BRWD1: variants seen among roughly 807,000 people sequenced by gnomAD.
The protein encoded by BRWD1 is bromodomain and WD repeat domain containing 1.
In BRWD1, 82 loss-of-function variants were observed where a neutral mutation model predicts 251.2. That is an observed-to-expected ratio of 0.33 (90% CI 0.27 to 0.39). BRWD1 has a LOEUF of 0.39. BRWD1 is among the 10% of genes least tolerant of loss of function. The pLI is 1.00. For missense variants in BRWD1, 2,233 were observed against 2,711.6 expected (o/e 0.82, Z 3.92); for synonymous variants, 918 against 902.8 (o/e 1.02, Z -0.30).
Position 39,189,690 on chromosome 21 carries a change from A to G in BRWD1, c.*6569T>C, listed in dbSNP as rs1215993399. 1.0e-6 allele frequency: 1 copy of G among 982,372 alleles called. No individual in the cohort carries two copies. The highest frequency in any genetic ancestry group is 1.1e-4 in the East Asian group (1 of 8,812). 60.9% of individuals were successfully genotyped at this position (982,372 alleles called of 1,614,324 possible). On this transcript the variant is annotated 3_prime_UTR_variant, in exon 41 of 41. Transcript: ENST00000342449. The stretch of plus-strand genomic sequence containing the variant: ...GACAAAACTGTGGAGAATTTTTTTA[A>G]ATACATTCAAGTCAGTGTTAATTTT...
chr21:39,311,767 ATTAT>A (rs981914058), intron 4 of BRWD1, among the ~76,000 whole-genome samples: 3 of 152,258 alleles, frequency 2.0e-5, no homozygotes, highest in African/African-American at 7.2e-5. Flanking sequence ...AAATATTAAA[ATTAT>A]TTATTACTTG....
Position 39,202,408 on chromosome 21 carries a change from G to T in BRWD1, c.4502C>A (p.Thr1501Asn), listed in dbSNP as rs753960626. ...TGCTGAATCTGAAGAGTCACCAGAA[G>T]TAACACCTGAAGAGATACCAGCACT... is the stretch of plus-strand genomic sequence containing the variant. ...KTSAGISSGVTSGDSSDSAES... is the reference protein window; with the variant it reads ...KTSAGISSGVNSGDSSDSAES... Residue 1501 changes from threonine (T) to asparagine (N), a missense_variant, in exon 38 of 41, where the codon ACT becomes AAT. By Grantham distance (65) the Thr-to-Asn change is moderately conservative. Coordinates refer to ENST00000342449, the MANE Select transcript of BRWD1 (RefSeq NM_033656.4). The T allele has an allele frequency of 2.5e-6, 4 of 1,614,078 alleles. No individual in the cohort carries two copies. Among genetic ancestry groups the T allele is most frequent in the Admixed American group, 3.3e-5 (2 of 60,022 alleles).
chr21:39,308,290 G>A (rs1312861214), intron 4 of BRWD1, among the ~76,000 whole-genome samples: 6 of 151,874 alleles, frequency 4.0e-5, no homozygotes, highest in South Asian at 2.1e-4. Context: ...GAGACTAGCC[G>A]GGCCAACATG....
At position 39,301,104 on chromosome 21, in the gene BRWD1, A is replaced by G. The variant is rs186155133; in HGVS notation, c.199-2522T>C. Among the ~76,000 whole-genome samples, 433 of 151,298 alleles carry G rather than the reference A, an allele frequency of 2.9e-3. 2 individuals carry two copies. Among genetic ancestry groups the G allele is most frequent in the African/African-American group, 1.0e-2 (410 of 41,204 alleles). ...TGAGGCAGGAGAATGGCGTGAACCC[A>G]GGAGGCAGAGCTTGCAGTGAGCCAA... is the stretch of plus-strand genomic sequence containing the variant. On this transcript the variant is annotated intron_variant, in intron 4 of 40. Coordinates refer to ENST00000342449, the MANE Select transcript of BRWD1 (RefSeq NM_033656.4).
At chr21:39,277,146 GA>G in intron 11 of BRWD1, 104 bp downstream of exon 11, 13 of 673,194 alleles carry the variant, frequency 1.9e-5, no homozygotes, top group South Asian at 8.3e-5. Context: ...TTGTTCAACA[GA>G]AAAAAAATTA....
chr21:39,283,462 C>T (rs1256858776), intron 8 of BRWD1, among the ~76,000 whole-genome samples: 1 of 152,066 alleles, frequency 6.6e-6, no homozygotes, highest in Non-Finnish European at 1.5e-5. Flanking sequence ...AAATTCATTC[C>T]TATGTGTTTG....
rs1327760982 is a variant in BRWD1, at chr21:39,258,627, T to C, written c.1931A>G (p.Asp644Gly). The C allele has an allele frequency of 6.2e-7, 1 of 1,611,216 alleles. No homozygotes were observed. The highest frequency in any genetic ancestry group is 1.7e-5 in the Admixed American group (1 of 59,812). ...CGATTCTGGGCTGCGTTCATCATTA[T>C]CATTGGTTTGCAGGCTTATAATTTG... ...IEQIISLQTN[D>G]NDERSPESSI... is the part of the protein sequence containing the mutation. The change falls in exon 18 of 41, where the codon GAT (aspartate) becomes GGT (glycine). Residue 644 changes from aspartate to glycine, a missense_variant. Coordinates refer to ENST00000342449, the MANE Select transcript of BRWD1 (RefSeq NM_033656.4).
chr21:39,194,516 T>C lies in BRWD1; in HGVS notation c.*1743A>G. On this transcript the variant is annotated 3_prime_UTR_variant, in exon 41 of 41. Transcript: ENST00000342449. The stretch of plus-strand genomic sequence containing the variant: ...GAAGAAAAGCATCATAGTTCTGAAA[T>C]GGTGATAGCTCTCTAAGCCACAAAT... 1 of 1,423,896 alleles carries C rather than the reference T, an allele frequency of 7.0e-7. No individual in the cohort carries two copies. Among genetic ancestry groups the C allele is most frequent in the Non-Finnish European group, 9.1e-7 (1 of 1,094,348 alleles). 88.2% of individuals were successfully genotyped at this position (1,423,896 alleles called of 1,614,324 possible).
intron 4 of BRWD1, among the ~76,000 whole-genome samples, chr21:39,309,824 CA>C (rs10709480): frequency 0.12 from 8,673 of 75,120 alleles, 236 homozygotes; most frequent in East Asian, 0.41. Flanking sequence ...GACTCCGTCT[CA>C]AAAAAAAAAA....
upstream of BRWD1, chr21:39,314,403 G>GATCC (rs1313161729): frequency 4.4e-6 from 2 of 450,304 alleles, no homozygotes; most frequent in South Asian, 3.1e-5. Flanking sequence ...GGCTCGGCTG[G>GATCC]ATCCATCCAA....
At chr21:39,271,718 A>G (rs1306696272) in intron 13 of BRWD1, among the ~76,000 whole-genome samples, 1 of 150,124 alleles carries the variant, frequency 6.7e-6, no homozygotes, top group African/African-American at 2.5e-5. Context: ...AAAAAAAAAA[A>G]AGATATTACA....
intron 8 of BRWD1, among the ~76,000 whole-genome samples, chr21:39,288,555 G>A (rs2035711115): frequency 1.3e-5 from 2 of 152,166 alleles, no homozygotes; most frequent in Non-Finnish European, 2.9e-5. Flanking sequence ...GAACAACGCA[G>A]GGGTTAGGGT....
intron 4 of BRWD1, among the ~76,000 whole-genome samples, chr21:39,308,752 AC>A (rs2036369856): frequency 6.6e-6 from 1 of 152,230 alleles, no homozygotes; most frequent in Admixed American, 6.5e-5. Context: ...AGAAAAAGGA[AC>A]AAGTTACCAT....
In BRWD1 at chr21:39,313,474, G is replaced by T; in HGVS notation, c.18C>A (p.Ser6=). ...CGATGAGAGGCACCGGGCGTCGGGC[G>T]GACGACGGCTCCGCCATGGCCGGGC... MAEPS[S]ARRPVPLIES... Residue 6 remains serine (S), a synonymous_variant, in exon 1 of 41, where the codon TCC becomes TCA. Coordinates refer to ENST00000342449, the MANE Select transcript of BRWD1 (RefSeq NM_033656.4). 1.5e-6 allele frequency: 2 copies of T among 1,346,458 alleles called. No individual in the cohort carries two copies. The highest frequency in any genetic ancestry group is 1.8e-5 in the South Asian group (1 of 54,072). The allele number at this position is 1,346,458 out of a possible 1,614,324, so 83.4% of individuals were successfully genotyped here. A position where few individuals can be genotyped will look rare whatever the true frequency, so the allele number is the denominator to read the frequency against.
At chr21:39,200,630 C>A (rs1042310799) in intron 38 of BRWD1, 10 of 287,568 alleles carry the variant, frequency 3.5e-5, no homozygotes, top group African/African-American at 2.0e-4. Flanking sequence ...ACAGATTAAT[C>A]CTAGTGTAGA....
downstream of BRWD1, chr21:39,184,834 T>C (rs922545057): frequency 6.6e-6 from 1 of 152,154 alleles, no homozygotes; most frequent in African/African-American, 2.4e-5. Flanking sequence ...TTTAAAACAT[T>C]AGGACTCCTG....
chr21:39,309,907 T>G (rs1428786210), intron 4 of BRWD1, among the ~76,000 whole-genome samples: 1 of 151,586 alleles, frequency 6.6e-6, no homozygotes, highest in Non-Finnish European at 1.5e-5. Context: ...CTTGATGATA[T>G]AATAAGCAGT....
chr21:39,285,904 G>A (rs1321224278), intron 8 of BRWD1, among the ~76,000 whole-genome samples: 1 of 145,156 alleles, frequency 6.9e-6, no homozygotes, highest in East Asian at 2.0e-4. Context: ...GAATGTATTC[G>A]TCAAAGGTAG....
At chr21:39,317,204 A>G (rs941563722), upstream of BRWD1, 23 of 152,238 alleles carry the variant, frequency 1.5e-4, no homozygotes, top group African/African-American at 5.3e-4. Flanking sequence ...GTGGTCTCCA[A>G]ACAAGGCAAG....
Sources: gnomAD v4.1 joint callset for allele counts (sites outside exome capture counted in the v4.1 genomes callset) on GRCh38, gnomAD v4.1.1 for gene constraint, MANE v1.5 for transcripts, NCBI Gene and HGNC (gene_info 2026-07-23, HGNC 2026-07-21) for gene names.